PHF14: variants seen among roughly 807,000 people sequenced by gnomAD.
PHF14 encodes the protein PHD finger protein 14.
In PHF14, 55 loss-of-function variants were observed where a neutral mutation model predicts 117.9. The ratio of observed to expected loss-of-function variants is 0.47; its 90% CI spans 0.38 to 0.58. The LOEUF (loss-of-function observed/expected upper bound fraction) is 0.58. PHF14 is among the 20% of genes least tolerant of loss of function. PHF14 has a pLI of 0.00. For synonymous variants in PHF14, 409 were observed against 368.6 expected, an observed-to-expected ratio of 1.11 and a Z score of -1.26; for missense variants, 978 against 1,122.2, an observed-to-expected ratio of 0.87 and a Z score of 1.84.
chr7:11,031,608 A>AC (rs56164190), intron 7 of PHF14, among the ~76,000 whole-genome samples: 1 of 150,162 alleles, frequency 6.7e-6, no homozygotes, highest in African/African-American at 2.4e-5. Context: ...AAAAAAAAAA[A>AC]TTAGCTGGGT....
chr7:10,976,967 ATGAT>A (rs1265012293), intron 2 of PHF14, among the ~76,000 whole-genome samples: 12 of 151,506 alleles, frequency 7.9e-5, no homozygotes, highest in Admixed American at 5.3e-4. Flanking sequence ...TTAGAAGAAA[ATGAT>A]TGTATTTAAA....
intron 7 of PHF14, among the ~76,000 whole-genome samples, chr7:11,029,488 C>CTT (rs956245495): frequency 1.7e-4 from 26 of 152,108 alleles, no homozygotes; most frequent in South Asian, 1.5e-3. Flanking sequence ...ATCCAGCTAC[C>CTT]TTTTTTTATG....
intron 16 of PHF14, chr7:11,103,202 G>A (rs143118216): frequency 1.0e-6 from 1 of 963,824 alleles, no homozygotes; most frequent in Non-Finnish European, 1.2e-6. Context: ...AATATTATTA[G>A]CATGAAATTT....
chr7:11,162,694 CAA>C (rs913901584), intron 17 of PHF14, among the ~76,000 whole-genome samples: 10 of 145,982 alleles, frequency 6.9e-5, no homozygotes, highest in Admixed American at 2.2e-4. Context: ...ATGGGAAATC[CAA>C]AGTCTTTTTT....
intron 4 of PHF14, among the ~76,000 whole-genome samples, chr7:11,004,318 T>A (rs1783000209): frequency 1.4e-5 from 2 of 139,810 alleles, no homozygotes; most frequent in African/African-American, 2.7e-5. Flanking sequence ...TAGAGGTAAA[T>A]ATGCTTAAAA....
intron 5 of PHF14, among the ~76,000 whole-genome samples, chr7:11,017,083 A>T (rs568605680): frequency 5.3e-5 from 8 of 152,094 alleles, no homozygotes; most frequent in Non-Finnish European, 1.0e-4. Context: ...ACTGGCTCTC[A>T]TTCTTTTTTA....
intron 4 of PHF14, among the ~76,000 whole-genome samples, chr7:11,000,306 T>G (rs566029104): frequency 1.2e-3 from 188 of 151,324 alleles, no homozygotes; most frequent in Non-Finnish European, 9.7e-4. Context: ...TTGTATGATG[T>G]GGAGTATCTT....
At chr7:11,037,590 T>G (rs1784355400) in intron 10 of PHF14, among the ~76,000 whole-genome samples, 1 of 152,202 alleles carries the variant, frequency 6.6e-6, no homozygotes, top group Non-Finnish European at 1.5e-5. Context: ...TATTATAATG[T>G]TTGGAATAAA....
At chr7:11,144,052 T>A (rs1788474220) in intron 17 of PHF14, among the ~76,000 whole-genome samples, 1 of 152,000 alleles carries the variant, frequency 6.6e-6, no homozygotes, top group Admixed American at 6.6e-5. Context: ...TAGTCCGATT[T>A]TAAAAAGGAT....
intron 4 of PHF14, among the ~76,000 whole-genome samples, chr7:10,991,266 C>T (rs758934899): frequency 1.1e-4 from 17 of 152,230 alleles, no homozygotes; most frequent in Middle Eastern, 3.4e-3. Flanking sequence ...CTTCATCCTC[C>T]GCCTCCTGGG....
intron 17 of PHF14, among the ~76,000 whole-genome samples, chr7:11,154,198 T>G (rs999242227): frequency 6.6e-6 from 1 of 152,136 alleles, no homozygotes; most frequent in South Asian, 2.1e-4. Context: ...ACTATTGTAT[T>G]TATATTAAGG....
At chr7:11,040,070 A>G (rs1038477329) in intron 11 of PHF14, among the ~76,000 whole-genome samples, 5 of 152,194 alleles carry the variant, frequency 3.3e-5, no homozygotes, top group African/African-American at 1.2e-4. Context: ...TTCCTTTTGC[A>G]AATGTAAAAT....
chr7:11,041,082 T>C lies in PHF14; in HGVS notation c.2180+307T>C, dbSNP rs550737619. Among the ~76,000 whole-genome samples the C allele has an allele frequency of 3.4e-5, 5 of 148,238 alleles. No homozygotes were observed. In the South Asian group the frequency reaches 6.3e-4, roughly 19 times the overall value. ...CAATATAAAAGATGAGCATTTATAT[T>C]TTATTTTACTTGAATGAATTGTAGA... On this transcript the variant is annotated intron_variant, in intron 12 of 17. Coordinates refer to ENST00000634607, the MANE Select transcript of PHF14 (RefSeq NM_001007157.2).
chr7:11,074,939 T>G (rs1032791675), intron 16 of PHF14, among the ~76,000 whole-genome samples: 10 of 143,866 alleles, frequency 7.0e-5, no homozygotes, highest in Non-Finnish European at 1.4e-4. Context: ...TCAGATATCT[T>G]TTTTTTTTTT....
chr7:11,031,325 A>G (rs530039351), intron 7 of PHF14, among the ~76,000 whole-genome samples: 2 of 152,272 alleles, frequency 1.3e-5, no homozygotes, highest in South Asian at 4.2e-4. Context: ...AATCCATGTG[A>G]CATTTCTATT....
intron 16 of PHF14, chr7:11,105,600 G>A (rs1787231961): frequency 1.0e-6 from 1 of 984,578 alleles, no homozygotes; most frequent in Non-Finnish European, 1.2e-6. Flanking sequence ...GACATACGAA[G>A]GCAGAATCAT....
At chr7:11,143,525 T>C (rs1788457740) in intron 17 of PHF14, among the ~76,000 whole-genome samples, 1 of 152,114 alleles carries the variant, frequency 6.6e-6, no homozygotes, top group South Asian at 2.1e-4. Context: ...TTTGTTTTCA[T>C]TTTGGAAATA....
intron 14 of PHF14, among the ~76,000 whole-genome samples, chr7:11,057,527 A>G (rs777813295): frequency 6.6e-6 from 1 of 152,170 alleles, no homozygotes; most frequent in African/African-American, 2.4e-5. Context: ...GGTGTGCACC[A>G]CCACGTCCGG....
intron 16 of PHF14, among the ~76,000 whole-genome samples, chr7:11,093,958 C>T (rs1478889516): frequency 6.6e-6 from 1 of 151,840 alleles, no homozygotes; most frequent in African/African-American, 2.4e-5. Flanking sequence ...GTTTTTTTCT[C>T]TTCACAGTGA....
Sources: allele counts gnomAD v4.1 joint callset (sites outside exome capture counted in the v4.1 genomes callset), GRCh38; gene constraint gnomAD v4.1.1; transcripts MANE v1.5; gene names NCBI Gene and HGNC (gene_info 2026-07-23, HGNC 2026-07-21).